Variants in NRAP observed in about 807,000 individuals in gnomAD.
The protein encoded by NRAP is nebulin-related-anchoring protein.
Under a neutral mutation model 225.9 loss-of-function variants are expected in NRAP, and 189 were observed. That is an observed-to-expected ratio of 0.84 (90% CI 0.74 to 0.94). The LOEUF is 0.94. Ranked by LOEUF, NRAP falls within the 40% of genes least tolerant of loss-of-function variation. The pLI, the probability that NRAP is intolerant of heterozygous loss-of-function variation, is 0.00. For synonymous variants in NRAP, 769 were observed against 790.7 expected (o/e 0.97, Z 0.46); for missense variants, 2,176 against 2,168.7 (o/e 1.00, Z -0.07).
At chr10:113,611,205 G>GC (rs1359286740) in intron 30 of NRAP, among the ~76,000 whole-genome samples, 2 of 152,076 alleles carry the variant, frequency 1.3e-5, no homozygotes, top group Non-Finnish European at 2.9e-5. Context: ...TGACAAACGG[G>GC]CCCCCGAGAT....
chr10:113,650,438 A>G lies in NRAP; in HGVS notation c.783T>C (p.Asp261=), dbSNP rs140840282. ...TGACCACATTGTCAAGGACACTTAC[A>G]TCACTTGCCAGCTCATTGGCTCTTT... The part of the protein sequence containing the change: ...IAKRANELAS[D]VRYHQQYQKE... The change falls in exon 8 of 42, where the codon GAT becomes GAC. Residue 261 remains aspartate, a splice_region_variant and synonymous_variant. Transcript: ENST00000359988. 6.2e-7 allele frequency: 1 copy of G among 1,606,770 alleles called. No individual in the cohort carries two copies. Among genetic ancestry groups the G allele is most frequent in the South Asian group, 1.1e-5 (1 of 90,936 alleles).
chr10:113,612,871 C>G (rs1847418775), intron 29 of NRAP, among the ~76,000 whole-genome samples: 1 of 152,160 alleles, frequency 6.6e-6, no homozygotes, highest in South Asian at 2.1e-4. Flanking sequence ...TTCTTCAAAG[C>G]ATTCAATGAT....
chr10:113,603,472 C>T (rs1279641209), intron 35 of NRAP, among the ~76,000 whole-genome samples: 1 of 152,076 alleles, frequency 6.6e-6, no homozygotes, highest in Non-Finnish European at 1.5e-5. Context: ...CTGGAGCCCA[C>T]CCTCCCTAGG....
chr10:113,611,589 T>C (rs567922514), intron 30 of NRAP, among the ~76,000 whole-genome samples: 3 of 152,056 alleles, frequency 2.0e-5, no homozygotes, highest in Admixed American at 6.5e-5. Context: ...GAGTGAGAAA[T>C]GCATGTCAGA....
chr10:113,601,029 G>T (rs546307850), intron 35 of NRAP, among the ~76,000 whole-genome samples: 1 of 152,132 alleles, frequency 6.6e-6, no homozygotes, highest in Admixed American at 6.5e-5. Flanking sequence ...GTGCCTTTCC[G>T]GACTCCCAGC....
chr10:113,643,844 G>GT (rs1412158584), intron 11 of NRAP, among the ~76,000 whole-genome samples: 1 of 152,182 alleles, frequency 6.6e-6, no homozygotes, highest in African/African-American at 2.4e-5. Flanking sequence ...AAACTATATG[G>GT]TGGGGGTATG....
At chr10:113,634,041 C>T in intron 15 of NRAP, 71 bp downstream of exon 15, 1 of 920,536 alleles carries the variant, frequency 1.1e-6, no homozygotes, top group Non-Finnish European at 1.8e-6. Flanking sequence ...CCTTGGAGGT[C>T]AGATGTCCAG....
At chr10:113,600,742 G>A (rs1846550838) in intron 35 of NRAP, among the ~76,000 whole-genome samples, 1 of 152,178 alleles carries the variant, frequency 6.6e-6, no homozygotes, top group Admixed American at 6.5e-5. Flanking sequence ...CCTACCAGCT[G>A]TGGCCTTGGG....
At chr10:113,614,121 C>A (rs1228779525) in intron 29 of NRAP, 62 bp downstream of exon 29, 1 of 1,043,278 alleles carries the variant, frequency 9.6e-7, no homozygotes, top group Non-Finnish European at 1.5e-6. Context: ...GGTTAGGTTG[C>A]CATGCAGTGA....
chr10:113,625,124 G>C (rs1179129797), intron 21 of NRAP, among the ~76,000 whole-genome samples, 194 bp from the exon 22 acceptor site: 1 of 152,146 alleles, frequency 6.6e-6, no homozygotes, highest in African/African-American at 2.4e-5. Context: ...GCAGTGGGGA[G>C]GAGCTGGGAG....
intron 14 of NRAP, among the ~76,000 whole-genome samples, chr10:113,639,981 A>G (rs1849104940): frequency 2.6e-5 from 4 of 152,244 alleles, no homozygotes; most frequent in Admixed American, 2.6e-4. Context: ...GGAAAAACTG[A>G]ACCTCAGGTT....
rs776845077 is a variant in NRAP at position 113,614,233 on chromosome 10, CT to C, written c.3249del (p.Asp1084MetfsTer18). 6.2e-7 allele frequency: 1 copy of C among 1,614,134 alleles called. No homozygotes were observed. Among genetic ancestry groups the C allele is most frequent in the Non-Finnish European group, 8.5e-7 (1 of 1,179,964 alleles). ...ACTGAATGTGCAAGGCTGATATCAT[CT>C]TCCAAGCTCCGGGAACCAAGCATCT... ...KGQMLGSRSL[E>X]DDISLAHSVY... is the part of the protein sequence containing the mutation. On this transcript the variant is annotated frameshift_variant, in exon 29 of 42. Coordinates refer to ENST00000359988, the MANE Select transcript of NRAP (RefSeq NM_198060.4). LOFTEE classifies it high-confidence loss of function.
At position 113,654,240 on chromosome 10, in the gene NRAP, C is replaced by G. The variant is rs558208899; in HGVS notation, c.361-115G>C. The G allele has an allele frequency of 8.5e-5, 56 of 657,244 alleles. No homozygotes were observed. The East Asian group carries it at 1.3e-3, about 15-fold the overall frequency. The allele number at this position is 657,244 out of a possible 1,614,324, so 40.7% of individuals were successfully genotyped here. On this transcript the variant is annotated intron_variant, in intron 4 of 41. Coordinates refer to ENST00000359988, the MANE Select transcript of NRAP (RefSeq NM_198060.4). Reference sequence around the variant, plus strand: ...CATTATAAACTCCTATTGGTAAATCCTGGGTCTCAGCTAACTGAAATGTTC... The same window carrying G: ...CATTATAAACTCCTATTGGTAAATCGTGGGTCTCAGCTAACTGAAATGTTC...
At chr10:113,591,280 T>G (rs1845974044) in intron 39 of NRAP, among the ~76,000 whole-genome samples, 1 of 152,260 alleles carries the variant, frequency 6.6e-6, no homozygotes, top group Non-Finnish European at 1.5e-5. Flanking sequence ...CCTTTGATTC[T>G]TTCCAGCTTT....
chr10:113,631,479 T>C (rs746586852), intron 18 of NRAP, 30 bp downstream of exon 18: 1 of 1,365,404 alleles, frequency 7.3e-7, no homozygotes, highest in Admixed American at 2.1e-5. Context: ...CAACTGTAAG[T>C]GAGAGGTTGG....
At chr10:113,617,786 C>A (rs191165628) in intron 25 of NRAP, among the ~76,000 whole-genome samples, 1 of 152,238 alleles carries the variant, frequency 6.6e-6, no homozygotes, top group African/African-American at 2.4e-5. Flanking sequence ...GAAAACATCT[C>A]AAAATTAGGT....
intron 13 of NRAP, among the ~76,000 whole-genome samples, chr10:113,641,059 A>T (rs941338230): frequency 1.3e-5 from 2 of 152,234 alleles, no homozygotes; most frequent in African/African-American, 2.4e-5. Context: ...AATCATAATT[A>T]TTCATTTCTC....
At chr10:113,589,524 T>G (rs1845812438) in intron 41 of NRAP, 142 bp downstream of exon 41, 1 of 956,538 alleles carries the variant, frequency 1.0e-6, no homozygotes, top group Non-Finnish European at 1.6e-6. Flanking sequence ...CCCATGAAAT[T>G]AGGCGCCTTG....
At chr10:113,640,868 C>G (rs1403807356) in intron 13 of NRAP, among the ~76,000 whole-genome samples, 1 of 152,110 alleles carries the variant, frequency 6.6e-6, no homozygotes, top group Non-Finnish European at 1.5e-5. Flanking sequence ...GTATATGCTA[C>G]AGGGGAAAAC....
Sources: allele counts gnomAD v4.1 joint callset (sites outside exome capture counted in the v4.1 genomes callset), GRCh38; gene constraint gnomAD v4.1.1; transcripts MANE v1.5; gene names NCBI Gene and HGNC (gene_info 2026-07-23, HGNC 2026-07-21).